The following RIT2 variants were observed in gnomAD, a reference collection of about 807,000 sequenced individuals.
RIT2 encodes the protein GTP-binding protein Rit2.
In RIT2, 24 loss-of-function variants were observed where a neutral mutation model predicts 23.7. The ratio of observed to expected loss-of-function variants is 1.01; its 90% confidence interval spans 0.73 to 1.43. The LOEUF (loss-of-function observed/expected upper bound fraction) is 1.43. Ranked by LOEUF, RIT2 falls within the 40% of genes most tolerant of loss-of-function variation. The pLI is 0.00. For synonymous variants in RIT2, 107 were observed against 91.1 expected, an observed-to-expected ratio of 1.17 and a Z score of -0.99; for missense variants, 236 against 266.9, an observed-to-expected ratio of 0.88 and a Z score of 0.81.
chr18:42,963,036 C>G (rs1045340555), intron 3 of RIT2, among the ~76,000 whole-genome samples: 2 of 152,102 alleles, frequency 1.3e-5, no homozygotes, highest in African/African-American at 4.8e-5. Context: ...TTTACCTATC[C>G]ATGTTGCAAG....
At chr18:42,795,463 T>C (rs1905315830) in intron 4 of RIT2, among the ~76,000 whole-genome samples, 1 of 152,220 alleles carries the variant, frequency 6.6e-6, no homozygotes, top group Admixed American at 6.5e-5. Flanking sequence ...CTTAGCTGCC[T>C]TCCCGCGGGG....
At chr18:43,001,161 C>T (rs558193974) in intron 2 of RIT2, among the ~76,000 whole-genome samples, 46 of 151,878 alleles carry the variant, frequency 3.0e-4, no homozygotes, top group Admixed American at 9.8e-4. Flanking sequence ...ATATACACAG[C>T]GAGGGACAAG....
intron 3 of RIT2, among the ~76,000 whole-genome samples, chr18:42,963,424 T>C (rs955198652): frequency 1.3e-5 from 2 of 152,192 alleles, no homozygotes; most frequent in Non-Finnish European, 2.9e-5. Flanking sequence ...ACTGGAAAAC[T>C]GGGTTCTTGA....
At chr18:42,828,760 G>A (rs1906376303) in intron 4 of RIT2, among the ~76,000 whole-genome samples, 1 of 152,182 alleles carries the variant, frequency 6.6e-6, no homozygotes, top group African/African-American at 2.4e-5. Context: ...TCTCACATTG[G>A]AAGTAAACAG....
At chr18:42,916,150 T>C (rs1261375727) in intron 4 of RIT2, among the ~76,000 whole-genome samples, 1 of 152,038 alleles carries the variant, frequency 6.6e-6, no homozygotes, top group Non-Finnish European at 1.5e-5. Context: ...ACCCACAGAG[T>C]TTCTGATTTA....
At chr18:42,921,017 G>C (rs1458637883) in intron 4 of RIT2, among the ~76,000 whole-genome samples, 1 of 151,926 alleles carries the variant, frequency 6.6e-6, no homozygotes, top group African/African-American at 2.4e-5. Context: ...CAATATGACA[G>C]TGTTTTAGTC....
chr18:42,860,126 G>C lies in RIT2; in HGVS notation c.426+63446C>G, dbSNP rs189253182. 3.3e-5 allele frequency among the ~76,000 whole-genome samples: 5 copies of C among 152,252 alleles called. No homozygotes were observed. In the East Asian group the frequency reaches 9.7e-4, roughly 29 times the overall value. ...CACAAGGAGCTCCAACTCCAACCCA[G>C]GACAAATAAAGACAAACCATGTGAG... On this transcript the variant is annotated intron_variant, in intron 4 of 4. Coordinates refer to ENST00000326695, the MANE Select transcript of RIT2 (RefSeq NM_002930.4).
At chr18:42,978,708 G>C (rs776880885) in intron 2 of RIT2, among the ~76,000 whole-genome samples, 1 of 152,060 alleles carries the variant, frequency 6.6e-6, no homozygotes, top group East Asian at 1.9e-4. Flanking sequence ...TTATCTCAAA[G>C]TACTAATGTT....
chr18:43,090,425 A>C (rs1364926531), intron 1 of RIT2, among the ~76,000 whole-genome samples: 1 of 152,092 alleles, frequency 6.6e-6, no homozygotes, highest in Non-Finnish European at 1.5e-5. Flanking sequence ...TGTTGATGGA[A>C]GTGTAAATAG....
chr18:43,095,604 T>TA (rs1913533723), intron 1 of RIT2, among the ~76,000 whole-genome samples: 1 of 152,016 alleles, frequency 6.6e-6, no homozygotes, highest in Non-Finnish European at 1.5e-5. Context: ...TGATCTTGTG[T>TA]AAAAAAGTAA....
At chr18:43,105,053 T>C (rs1348808688) in intron 1 of RIT2, among the ~76,000 whole-genome samples, 1 of 151,916 alleles carries the variant, frequency 6.6e-6, no homozygotes, top group Non-Finnish European at 1.5e-5. Flanking sequence ...TTGTGGGCTA[T>C]TGTAGCAGGC....
At chr18:42,789,395 G>C (rs1913991906) in intron 4 of RIT2, among the ~76,000 whole-genome samples, 4 of 152,132 alleles carry the variant, frequency 2.6e-5, no homozygotes, top group Non-Finnish European at 4.4e-5. Flanking sequence ...TTCTTCCTTT[G>C]CATTGAATCT....
intron 4 of RIT2, among the ~76,000 whole-genome samples, chr18:42,832,573 G>A (rs909838579): frequency 6.6e-6 from 1 of 151,900 alleles, no homozygotes; most frequent in Non-Finnish European, 1.5e-5. Flanking sequence ...CATATTTATG[G>A]GGTACACATA....
chr18:42,948,014 T>A (rs908977611), intron 3 of RIT2, among the ~76,000 whole-genome samples: 2 of 152,102 alleles, frequency 1.3e-5, no homozygotes, highest in African/African-American at 4.8e-5. Context: ...TGTACCTAAG[T>A]TAACAAAGTT....
At position 42,929,044 on chromosome 18, in the gene RIT2, T is replaced by TATATATAC. The variant is rs1909259188; in HGVS notation, c.235-5282_235-5281insGTATATAT. Among the ~76,000 whole-genome samples, 3 of 143,562 alleles carry TATATATAC rather than the reference T, an allele frequency of 2.1e-5. No homozygotes were observed. In the Admixed American group the frequency reaches 2.1e-4, roughly 10 times the overall value. The allele number at this position is 143,562 out of a possible 152,430, so 94.2% of individuals were successfully genotyped here. A position where few individuals can be genotyped will look rare whatever the true frequency, so the allele number is the denominator to read the frequency against. ...AAACTAAAATATGGAGATATATATA[T>TATATATAC]ATATATATATATATTTATATGAGAC... On this transcript the variant is annotated intron_variant, in intron 3 of 4. Transcript: ENST00000326695.
chr18:42,965,956 G>T (rs546461445), intron 3 of RIT2, among the ~76,000 whole-genome samples: 1 of 151,866 alleles, frequency 6.6e-6, no homozygotes, highest in Non-Finnish European at 1.5e-5. Context: ...TTTCAGAAAT[G>T]ATTCATGAGC....
In RIT2 at chr18:43,093,793, G is replaced by A. The variant is rs535207836; in HGVS notation, c.103+21624C>T. ...GTCGTGAAAACTGTTGTGCCTCTCC[G>A]GTCAGTACTGACACTGACTTGCAGA... is the stretch of plus-strand genomic sequence containing the variant. On this transcript the variant is annotated intron_variant, in intron 1 of 4. Transcript: ENST00000326695. Among the ~76,000 whole-genome samples, 47 of 152,024 alleles carry A rather than the reference G, an allele frequency of 3.1e-4. No homozygotes were observed. In the South Asian group the frequency reaches 3.5e-3, roughly 11 times the overall value.
At chr18:42,861,970 T>C (rs892935042) in intron 4 of RIT2, among the ~76,000 whole-genome samples, 2 of 152,228 alleles carry the variant, frequency 1.3e-5, no homozygotes, top group Non-Finnish European at 2.9e-5. Flanking sequence ...ATCCTAATCC[T>C]ACCTTCTATC....
At position 43,011,226 on chromosome 18, in the gene RIT2, G is replaced by A. The variant is rs139190797; in HGVS notation, c.160+22585C>T. Among the ~76,000 whole-genome samples, 8 of 151,900 alleles carry A rather than the reference G, an allele frequency of 5.3e-5. No individual in the cohort carries two copies. The East Asian group carries it at 1.6e-3, about 30-fold the overall frequency. ...TGGTGGTGTGATCAAGGAGGAGCAG[G>A]AAGGTGATACTGGCTAAGGAATAAT... On this transcript the variant is annotated intron_variant, in intron 2 of 4. Coordinates refer to ENST00000326695, the MANE Select transcript of RIT2 (RefSeq NM_002930.4).
Sources: gnomAD v4.1 joint callset for allele counts (sites outside exome capture counted in the v4.1 genomes callset) on GRCh38, gnomAD v4.1.1 for gene constraint, MANE v1.5 for transcripts, NCBI Gene and HGNC (gene_info 2026-07-23, HGNC 2026-07-21) for gene names.